Variants in CPM observed in about 807,000 individuals in gnomAD.
CPM encodes the protein renal carboxypeptidase.
In CPM, 35 loss-of-function variants were observed where a neutral mutation model predicts 46.4. That is an observed-to-expected ratio of 0.75 (90% CI 0.58 to 1.00). The LOEUF is 1.00. CPM is among the 50% of genes least tolerant of loss of function. The pLI is 0.00. For missense variants in CPM, 422 were observed against 530.4 expected, an observed-to-expected ratio of 0.80 and a Z score of 2.01; for synonymous variants, 195 against 195.3, an observed-to-expected ratio of 1.00 and a Z score of 0.01.
At chr12:68,883,669 C>T (rs919510263) in intron 3 of CPM, among the ~76,000 whole-genome samples, 2 of 151,942 alleles carry the variant, frequency 1.3e-5, no homozygotes, top group Non-Finnish European at 2.9e-5. Flanking sequence ...GGGTAGGGGA[C>T]GGAAAGGACT....
At chr12:68,961,915 TAATG>T (rs1192176434) in intron 1 of CPM, among the ~76,000 whole-genome samples, 1 of 151,778 alleles carries the variant, frequency 6.6e-6, no homozygotes, top group Non-Finnish European at 1.5e-5. Context: ...ACTGTGGTAA[TAATG>T]GCCGGGCGTG....
chr12:68,853,259 A>G lies in CPM; in HGVS notation c.*3178T>C, dbSNP rs1884807642. ...CAGTTGAAAAATTGCTTGGGGCTTG[A>G]TAGCAAATCAAGTTTCATCTTATAT... On this transcript the variant is annotated 3_prime_UTR_variant, in exon 9 of 9. Transcript: ENST00000551568. The G allele has an allele frequency of 6.6e-6, 1 of 152,224 alleles. No individual in the cohort carries two copies. The highest frequency in any genetic ancestry group is 2.4e-5 in the African/African-American group (1 of 41,466). The allele number at this position is 152,224 out of a possible 1,614,324, so 9.4% of individuals were successfully genotyped here.
chr12:68,943,691 G>A (rs568413659), intron 1 of CPM, among the ~76,000 whole-genome samples: 11 of 152,212 alleles, frequency 7.2e-5, no homozygotes, highest in Admixed American at 1.3e-4. Context: ...TAATAAGGCC[G>A]ATTTCCAAAG....
rs1017766880 is a variant in CPM at position 68,851,687 on chromosome 12, T to TGGA, written c.*4747_*4749dup. ...GCTATAAAACATCTATAAAAGGCAATGGAGTAGTTCATATGCAAAAGTATG... is the reference window on the plus strand; with the variant it reads ...GCTATAAAACATCTATAAAAGGCAATGGAGGAGTAGTTCATATGCAAAAGTATG... On this transcript the variant is annotated 3_prime_UTR_variant, in exon 9 of 9. Transcript: ENST00000551568. The TGGA allele has an allele frequency of 9.9e-5, 15 of 151,476 alleles. No individual in the cohort carries two copies. The highest frequency in any genetic ancestry group is 3.4e-4 in the African/African-American group (14 of 41,172). 9.4% of individuals were successfully genotyped at this position (151,476 alleles called of 1,614,324 possible).
Position 68,856,457 on chromosome 12 carries a change from A to AAAG in CPM, c.1309_1311dup (p.Leu438dup), listed in dbSNP as rs1284348212. The AAAG allele has an allele frequency of 6.2e-7, 1 of 1,614,062 alleles. No homozygotes were observed. Among genetic ancestry groups the AAAG allele is most frequent in the African/African-American group, 1.3e-5 (1 of 75,034 alleles). ...TTACTTTATTTGAAGAATATGTGCA[A>AAAG]AAGACTCACTAAAAATAAGAACAAA... is the stretch of plus-strand genomic sequence containing the variant. On this transcript the variant is annotated inframe_insertion, in exon 9 of 9. Transcript: ENST00000551568.
intron 3 of CPM, among the ~76,000 whole-genome samples, chr12:68,878,252 T>C (rs1313318657): frequency 2.6e-5 from 4 of 152,220 alleles, no homozygotes; most frequent in Non-Finnish European, 5.9e-5. Context: ...TAAACTAACA[T>C]AGTTCATAGT....
At chr12:68,935,095 A>C (rs950218428), upstream of CPM, among the ~76,000 whole-genome samples, 22 of 152,060 alleles carry the variant, frequency 1.4e-4, no homozygotes, top group Non-Finnish European at 1.3e-4. Flanking sequence ...TTTTTAGTAG[A>C]GACGGGGTTT....
rs1885261387 is a variant in CPM, at chr12:68,862,681, GC to G, written c.941-3611del. On this transcript the variant is annotated intron_variant, in intron 7 of 8. Transcript: ENST00000551568. The stretch of plus-strand genomic sequence containing the variant: ...CCTCCCACCAGCCAAATAAAAGCGT[GC>G]TTTAGCTTGTATATGTCTTTACAAT... 4.3e-5 allele frequency among the ~76,000 whole-genome samples: 4 copies of G among 93,496 alleles called. 1 individual carries two copies. Among genetic ancestry groups the G allele is most frequent in the African/African-American group, 1.5e-4 (3 of 20,506 alleles). 61.3% of individuals were successfully genotyped at this position (93,496 alleles called of 152,430 possible). A position where few individuals can be genotyped will look rare whatever the true frequency, so the allele number is the denominator to read the frequency against.
At chr12:68,886,731 G>T (rs532225770) in intron 2 of CPM, among the ~76,000 whole-genome samples, 1 of 152,306 alleles carries the variant, frequency 6.6e-6, no homozygotes, top group African/African-American at 2.4e-5. Context: ...AAATGCTGAT[G>T]TGACACAGCC....
intron 2 of CPM, among the ~76,000 whole-genome samples, chr12:68,895,213 G>A (rs141507416): frequency 0.011 from 1,683 of 152,084 alleles, 11 homozygotes; most frequent in Non-Finnish European, 0.018. Context: ...CCAACATCTG[G>A]TGCCCTAATG....
chr12:68,960,679 T>A (rs537330304), intron 1 of CPM, among the ~76,000 whole-genome samples: 2 of 152,128 alleles, frequency 1.3e-5, no homozygotes, highest in Non-Finnish European at 2.9e-5. Flanking sequence ...TTTGTTAAAA[T>A]ATATATATAT....
At chr12:68,874,670 T>C (rs928659327) in intron 3 of CPM, among the ~76,000 whole-genome samples, 5 of 151,326 alleles carry the variant, frequency 3.3e-5, no homozygotes, top group African/African-American at 1.2e-4. Context: ...CTCAGAAGGG[T>C]TTGGGGAGGA....
intron 3 of CPM, among the ~76,000 whole-genome samples, chr12:68,875,897 T>G (rs1349029090): frequency 6.6e-6 from 1 of 152,180 alleles, no homozygotes; most frequent in Non-Finnish European, 1.5e-5. Context: ...CACTTCAGTT[T>G]TATTCTTCTG....
At chr12:68,906,029 G>C (rs1191246476) in intron 2 of CPM, among the ~76,000 whole-genome samples, 5 of 152,188 alleles carry the variant, frequency 3.3e-5, no homozygotes. Flanking sequence ...TCAAGCATCG[G>C]TCATCGTGGT....
At chr12:68,842,627 C>T (rs765388354) in intron 5 of CPM, 43 of 283,700 alleles carry the variant, frequency 1.5e-4, no homozygotes, top group Non-Finnish European at 2.5e-4. Context: ...AAAATAGTTA[C>T]GCTATTTGGT....
At chr12:68,863,475 T>C (rs1287635520) in intron 7 of CPM, among the ~76,000 whole-genome samples, 1 of 152,184 alleles carries the variant, frequency 6.6e-6, no homozygotes, top group African/African-American at 2.4e-5. Flanking sequence ...AATCATCCTC[T>C]AAGCAGGACA....
intron 2 of CPM, among the ~76,000 whole-genome samples, chr12:68,930,967 T>C (rs1256908676): frequency 6.6e-6 from 1 of 152,208 alleles, no homozygotes; most frequent in African/African-American, 2.4e-5. Context: ...ATATAATTAG[T>C]ATTCCTAGAT....
At chr12:68,928,699 A>G (rs1888372435) in intron 2 of CPM, among the ~76,000 whole-genome samples, 1 of 152,138 alleles carries the variant, frequency 6.6e-6, no homozygotes, top group African/African-American at 2.4e-5. Flanking sequence ...TACTGTATTC[A>G]GATACAATGA....
chr12:68,913,969 G>GATGCAGCT (rs1274751787), intron 2 of CPM: 1 of 719,532 alleles, frequency 1.4e-6, no homozygotes, highest in African/African-American at 1.7e-5. Context: ...ATTTGTGTTT[G>GATGCAGCT]ATGCAGCTAC....
Sources: allele counts gnomAD v4.1 joint callset (sites outside exome capture counted in the v4.1 genomes callset), GRCh38; gene constraint gnomAD v4.1.1; transcripts MANE v1.5; gene names NCBI Gene and HGNC (gene_info 2026-07-23, HGNC 2026-07-21).